Variants in PTPRD observed in about 807,000 individuals in gnomAD.
PTPRD encodes protein tyrosine phosphatase receptor type D.
A neutral mutation model predicts 214.5 loss-of-function variants in PTPRD; 34 were observed. The ratio of observed to expected loss-of-function variants is 0.16; its 90% CI spans 0.12 to 0.21. PTPRD has a LOEUF of 0.21. Ranked by LOEUF, PTPRD falls within the 10% of genes least tolerant of loss-of-function variation. PTPRD has a pLI of 1.00. For missense variants in PTPRD, 2,545 were observed against 2,398.7 expected, an observed-to-expected ratio of 1.06 and a Z score of -1.27; for synonymous variants, 1,128 against 845.7, an observed-to-expected ratio of 1.33 and a Z score of -5.79.
chr9:8,988,253 A>T (rs906503118), intron 11 of PTPRD, among the ~76,000 whole-genome samples: 1 of 152,130 alleles, frequency 6.6e-6, no homozygotes, highest in African/African-American at 2.4e-5. Flanking sequence ...ACCCAATTTC[A>T]GGTCATTTAA....
At chr9:9,681,781 G>C (rs1265185485) in intron 7 of PTPRD, among the ~76,000 whole-genome samples, 1 of 151,754 alleles carries the variant, frequency 6.6e-6, no homozygotes, top group Non-Finnish European at 1.5e-5. Context: ...GGTCACTAGA[G>C]AATTGATTTC....
At chr9:9,751,985 T>C (rs554105377) in intron 6 of PTPRD, among the ~76,000 whole-genome samples, 1 of 152,266 alleles carries the variant, frequency 6.6e-6, no homozygotes, top group South Asian at 2.1e-4. Context: ...ATTTGGTAGA[T>C]TATACAACAA....
chr9:8,887,716 A>C (rs1456953449), intron 11 of PTPRD, among the ~76,000 whole-genome samples: 1 of 152,248 alleles, frequency 6.6e-6, no homozygotes, highest in Non-Finnish European at 1.5e-5. Context: ...AATGAAATCT[A>C]CACTTGCAGA....
chr9:10,555,743 G>A (rs1024162045), intron 2 of PTPRD, among the ~76,000 whole-genome samples: 1 of 151,894 alleles, frequency 6.6e-6, no homozygotes, highest in African/African-American at 2.4e-5. Flanking sequence ...TTACAAACAA[G>A]TGCTAGAAAA....
At chr9:10,099,169 G>C (rs1002609107) in intron 3 of PTPRD, among the ~76,000 whole-genome samples, 1 of 151,694 alleles carries the variant, frequency 6.6e-6, no homozygotes, top group South Asian at 2.1e-4. Context: ...TTTTTTGAAA[G>C]TCAGCATAAG....
chr9:8,329,697 T>A (rs1242266338), intron 44 of PTPRD, among the ~76,000 whole-genome samples: 1 of 152,166 alleles, frequency 6.6e-6, no homozygotes, highest in African/African-American at 2.4e-5. Flanking sequence ...GCTGCTGTCT[T>A]TCTTTCAGAG....
chr9:8,521,156 A>G (rs2097884135), intron 20 of PTPRD, 121 bp downstream of exon 20: 1 of 1,168,138 alleles, frequency 8.6e-7, no homozygotes. Context: ...ATTAGGTTAT[A>G]CACACATTTA....
At chr9:10,436,106 G>A (rs2098715279) in intron 2 of PTPRD, among the ~76,000 whole-genome samples, 1 of 151,734 alleles carries the variant, frequency 6.6e-6, no homozygotes, top group South Asian at 2.1e-4. Context: ...TTTCTTAGAA[G>A]AATAACACCC....
At chr9:9,970,408 GGCGACAGCGAGACTCCTT>G (rs1352487835) in intron 4 of PTPRD, among the ~76,000 whole-genome samples, 14 of 141,894 alleles carry the variant, frequency 9.9e-5, no homozygotes, top group Non-Finnish European at 1.6e-4. Context: ...CGAGAGCCTG[GGCGACAGCGAGACTCCTT>G]CTCAAAAAAA....
chr9:9,235,012 A>G (rs945120696), intron 9 of PTPRD, among the ~76,000 whole-genome samples: 3 of 152,170 alleles, frequency 2.0e-5, no homozygotes. Context: ...TTCAAATGCT[A>G]TGAAGAAATA....
Position 8,996,207 on chromosome 9 carries a change from A to G in PTPRD, c.-104+22490T>C, listed in dbSNP as rs1249592303. Among the ~76,000 whole-genome samples the G allele has an allele frequency of 3.3e-5, 5 of 152,120 alleles. No individual in the cohort carries two copies. In the East Asian group the frequency reaches 9.6e-4, roughly 29 times the overall value. On this transcript the variant is annotated intron_variant, in intron 11 of 45. Coordinates refer to ENST00000381196, the MANE Select transcript of PTPRD (RefSeq NM_002839.4). ...TAATTCATAATCACTCCAAACTGTA[A>G]ACAATCCAAAATTCCTTCAACTGGT...
At chr9:10,540,965 G>T (rs1397590122) in intron 2 of PTPRD, among the ~76,000 whole-genome samples, 2 of 152,050 alleles carry the variant, frequency 1.3e-5, no homozygotes, top group East Asian at 3.9e-4. Flanking sequence ...AGCTTGCCTG[G>T]CTTTAGCTCC....
intron 2 of PTPRD, among the ~76,000 whole-genome samples, chr9:10,399,242 G>A (rs1336783994): frequency 6.6e-6 from 1 of 151,932 alleles, no homozygotes; most frequent in Non-Finnish European, 1.5e-5. Context: ...AACTGATAAA[G>A]CTGTATTTAT....
At chr9:8,785,682 T>C (rs530418584) in intron 11 of PTPRD, among the ~76,000 whole-genome samples, 1 of 152,200 alleles carries the variant, frequency 6.6e-6, no homozygotes, top group Non-Finnish European at 1.5e-5. Flanking sequence ...TGAAGCCATA[T>C]AAAAGTACTG....
intron 7 of PTPRD, among the ~76,000 whole-genome samples, chr9:9,731,491 G>C (rs998294020): frequency 6.6e-6 from 1 of 151,968 alleles, no homozygotes; most frequent in African/African-American, 2.4e-5. Flanking sequence ...TTAAGTTCTA[G>C]GGTACATGTG....
intron 7 of PTPRD, among the ~76,000 whole-genome samples, chr9:9,619,048 T>G (rs1375988260): frequency 6.6e-6 from 1 of 151,946 alleles, no homozygotes; most frequent in African/African-American, 2.4e-5. Flanking sequence ...AATAAAAAAA[T>G]ATGTGCTTTT....
chr9:9,101,086 T>C (rs981300036), intron 10 of PTPRD, among the ~76,000 whole-genome samples: 20 of 116,810 alleles, frequency 1.7e-4, no homozygotes, highest in Non-Finnish European at 2.9e-4. Context: ...TCTGAACCAA[T>C]TGGCCAATGT....
At chr9:10,601,526 T>A (rs1178982255) in intron 2 of PTPRD, among the ~76,000 whole-genome samples, 1 of 151,838 alleles carries the variant, frequency 6.6e-6, no homozygotes, top group Non-Finnish European at 1.5e-5. Context: ...TCTTGTACTA[T>A]ATATACTGTA....
chr9:10,408,753 T>G (rs1316154139), intron 2 of PTPRD, among the ~76,000 whole-genome samples: 3 of 151,708 alleles, frequency 2.0e-5, no homozygotes, highest in African/African-American at 7.3e-5. Context: ...ACTTGGGCAG[T>G]GTGTTTAGTC....
Sources: allele counts gnomAD v4.1 joint callset (sites outside exome capture counted in the v4.1 genomes callset), GRCh38; gene constraint gnomAD v4.1.1; transcripts MANE v1.5; gene names NCBI Gene and HGNC (gene_info 2026-07-23, HGNC 2026-07-21).